HAL: variants seen among roughly 807,000 people sequenced by gnomAD.
The protein encoded by HAL is histidine ammonia-lyase.
Under a neutral mutation model 81.1 loss-of-function variants are expected in HAL, and 85 were observed. The observed-to-expected ratio is 1.05, with a 90% CI of 0.88 to 1.25. The LOEUF is 1.25. HAL is among the 50% of genes most tolerant of loss of function. HAL has a pLI of 0.00. For synonymous variants in HAL, 301 were observed against 309.2 expected, an observed-to-expected ratio of 0.97 and a Z score of 0.28; for missense variants, 798 against 836.6, an observed-to-expected ratio of 0.95 and a Z score of 0.57.
chr12:95,989,133 G>C (rs760101401), intron 10 of HAL, among the ~76,000 whole-genome samples: 1 of 152,176 alleles, frequency 6.6e-6, no homozygotes, highest in African/African-American at 2.4e-5. Flanking sequence ...CAAGGAACTC[G>C]AGAGGTAGGA....
At chr12:95,982,765 T>C (rs1459042304) in intron 15 of HAL, among the ~76,000 whole-genome samples, 1 of 152,248 alleles carries the variant, frequency 6.6e-6, no homozygotes, top group Non-Finnish European at 1.5e-5. Flanking sequence ...GCCTGTGACC[T>C]GCTTTTGGGG....
In HAL at chr12:95,984,720, G is replaced by T. The variant is rs11108361; in HGVS notation, c.1207-729C>A. 8.1e-3 allele frequency among the ~76,000 whole-genome samples: 1,231 copies of T among 152,320 alleles called. 23 individuals carry two copies. The highest frequency in any genetic ancestry group is 0.028 in the African/African-American group (1,171 of 41,564). ...AGATTAAATGAATTAATAAATGAAA[G>T]ACAGTGATAATGGTGCCTGTCACAT... On this transcript the variant is annotated intron_variant, in intron 14 of 20. Transcript: ENST00000261208.
chr12:95,975,120 C>G (rs993336662), intron 20 of HAL, among the ~76,000 whole-genome samples: 3 of 152,198 alleles, frequency 2.0e-5, no homozygotes, highest in Non-Finnish European at 4.4e-5. Context: ...ATTTCCATGC[C>G]ACAGGTGCTC....
chr12:95,987,313 C>G, intron 11 of HAL, 99 bp from the exon 12 acceptor site: 1 of 970,554 alleles, frequency 1.0e-6, no homozygotes, highest in Non-Finnish European at 1.7e-6. Context: ...GAAAAATTAG[C>G]CAGTCATAAA....
rs2080675353 is a variant in HAL at position 95,973,308 on chromosome 12, A to G, written c.*924T>C. 1 of 152,138 alleles carries G rather than the reference A, an allele frequency of 6.6e-6. No homozygotes were observed. Among genetic ancestry groups the G allele is most frequent in the Non-Finnish European group, 1.5e-5 (1 of 68,022 alleles). The allele number at this position is 152,138 out of a possible 1,614,324, so 9.4% of individuals were successfully genotyped here. On this transcript the variant is annotated 3_prime_UTR_variant, in exon 21 of 21. Transcript: ENST00000261208. ...CTGAAGGTCCTTTATCTTCTCGGGG[A>G]AAAAAATAGATGCAGTAATACACTC...
intron 15 of HAL, chr12:95,983,593 A>G (rs1949838680): frequency 2.5e-6 from 1 of 398,922 alleles, no homozygotes; most frequent in African/African-American, 2.0e-5. Flanking sequence ...CAACCTTGGC[A>G]GTGGGTTTTA....
chr12:95,994,626 G>A (rs1451449005), intron 4 of HAL, among the ~76,000 whole-genome samples, 172 bp downstream of exon 4: 1 of 152,184 alleles, frequency 6.6e-6, no homozygotes, highest in East Asian at 1.9e-4. Flanking sequence ...ATGACCTCAA[G>A]TGAACTGCCC....
At chr12:95,994,607 T>C (rs1005198455) in intron 4 of HAL, among the ~76,000 whole-genome samples, 191 bp downstream of exon 4, 11 of 152,078 alleles carry the variant, frequency 7.2e-5, no homozygotes, top group Admixed American at 1.3e-4. Flanking sequence ...CCAGGCTGGT[T>C]TCAAACTGAT....
chr12:95,976,819 CTCTG>C (rs2080726696), intron 18 of HAL, 113 bp from the exon 19 acceptor site: 12 of 738,196 alleles, frequency 1.6e-5, no homozygotes, highest in East Asian at 5.3e-5. Context: ...ATGGTTTGTT[CTCTG>C]TCTATTGGTA....
chr12:95,987,013 G>A (rs979701783), intron 12 of HAL, 54 bp downstream of exon 12: 29 of 1,499,084 alleles, frequency 1.9e-5, no homozygotes, highest in African/African-American at 1.5e-4. Context: ...CAGCCACCCC[G>A]CCCCACCACC....
intron 15 of HAL, among the ~76,000 whole-genome samples, chr12:95,982,327 A>C (rs925604464): frequency 6.6e-6 from 1 of 152,256 alleles, no homozygotes; most frequent in African/African-American, 2.4e-5. Context: ...AAAAAATAAA[A>C]GACTTTTGGC....
chr12:95,986,453 G>A lies in HAL; in HGVS notation c.1052-293C>T, dbSNP rs953966427. ...CACTCAGAATTAGAAACTTAACTCC[G>A]AAAGCACGATTTTCCTTATTGACTT... On this transcript the variant is annotated intron_variant, in intron 12 of 20. Coordinates refer to ENST00000261208, the MANE Select transcript of HAL (RefSeq NM_002108.4). 7.9e-5 allele frequency among the ~76,000 whole-genome samples: 12 copies of A among 152,192 alleles called. No homozygotes were observed. The South Asian group carries it at 1.9e-3, about 24-fold the overall frequency.
At chr12:95,980,123 A>G (rs1371055425) in intron 17 of HAL, among the ~76,000 whole-genome samples, 1 of 152,216 alleles carries the variant, frequency 6.6e-6, no homozygotes, top group Non-Finnish European at 1.5e-5. Flanking sequence ...TGGTTGTTAT[A>G]TCTAGTGAAA....
chr12:95,983,680 G>A (rs1949839907), intron 15 of HAL: 3 of 580,754 alleles, frequency 5.2e-6, no homozygotes, highest in Non-Finnish European at 9.2e-6. Context: ...CATTTTGAAA[G>A]TACAGCATGT....
Position 95,976,683 on chromosome 12 carries a change from C to T in HAL, c.1678G>A (p.Ala560Thr). 6.2e-7 allele frequency: 1 copy of T among 1,611,252 alleles called. No individual in the cohort carries two copies. Among genetic ancestry groups the T allele is most frequent in the Non-Finnish European group, 8.5e-7 (1 of 1,177,412 alleles). Reference sequence around the variant, plus strand: ...CGTAGAAACTCTATGCCCTGGCAGGCTGCAAGGAGCTCGATGGCCAGCACT... The same window carrying T: ...CGTAGAAACTCTATGCCCTGGCAGGTTGCAAGGAGCTCGATGGCCAGCACT... ...EQVLAIELLA[A>T]CQGIEFLRPL... The change falls in exon 19 of 21, where the codon GCC becomes ACC. Residue 560 changes from alanine (A) to threonine (T), a missense_variant. Physicochemically the swap from Ala to Thr is moderately conservative, Grantham distance 58. Transcript: ENST00000261208.
At chr12:95,992,565 A>T (rs1949984158) in intron 9 of HAL, 115 bp downstream of exon 9, 1 of 961,396 alleles carries the variant, frequency 1.0e-6, no homozygotes, top group Non-Finnish European at 1.6e-6. Context: ...TTTCCCACTC[A>T]TTTCAATTAT....
At chr12:95,976,753 A>G in intron 18 of HAL, 47 bp from the exon 19 acceptor site, 1 of 1,209,072 alleles carries the variant, frequency 8.3e-7, no homozygotes, top group Non-Finnish European at 1.2e-6. Context: ...GTCTGACTTC[A>G]TGCTTAAGGA....
intron 8 of HAL, among the ~76,000 whole-genome samples, 199 bp downstream of exon 8, chr12:95,993,252 C>G (rs1414107209): frequency 6.6e-6 from 1 of 152,190 alleles, no homozygotes; most frequent in African/African-American, 2.4e-5. Context: ...CATACCAACC[C>G]CATCCCTCCA....
At chr12:95,988,822 C>A (rs2268519) in intron 10 of HAL, among the ~76,000 whole-genome samples, 1 of 151,972 alleles carries the variant, frequency 6.6e-6, no homozygotes, top group South Asian at 2.1e-4. Flanking sequence ...ACAATCTTCC[C>A]TTGAAAGAAA....
Sources: gnomAD v4.1 joint callset for allele counts (sites outside exome capture counted in the v4.1 genomes callset) on GRCh38, gnomAD v4.1.1 for gene constraint, MANE v1.5 for transcripts, NCBI Gene and HGNC (gene_info 2026-07-23, HGNC 2026-07-21) for gene names.